The following FCRL4 variants were observed in gnomAD, a reference collection of about 807,000 sequenced individuals.
The protein encoded by FCRL4 is Fc receptor-like protein 4.
A neutral mutation model predicts 64.1 loss-of-function variants in FCRL4; 43 were observed. The ratio of observed to expected loss-of-function variants is 0.67; its 90% CI spans 0.53 to 0.87. FCRL4 has a LOEUF of 0.87. Among genes scored for constraint, FCRL4 ranks in the 40% least tolerant of loss-of-function variants. The probability of loss-of-function intolerance (pLI) is 0.00; values close to 1 mark genes in which losing one functional copy is unlikely to be tolerated. For missense variants in FCRL4, 656 were observed against 613.5 expected (o/e 1.07, Z -0.73); for synonymous variants, 253 against 239.8 (o/e 1.05, Z -0.51).
At chr1:157,587,022 A>G (rs1652716264) in intron 5 of FCRL4, among the ~76,000 whole-genome samples, 1 of 152,188 alleles carries the variant, frequency 6.6e-6, no homozygotes, top group Non-Finnish European at 1.5e-5. Context: ...TTTGTTTTCC[A>G]TAGCTCTCAA....
intron 3 of FCRL4, 118 bp downstream of exon 3, chr1:157,589,086 A>G: frequency 8.8e-7 from 1 of 1,140,560 alleles, no homozygotes; most frequent in South Asian, 1.6e-5. Flanking sequence ...TATGAAACTA[A>G]AGGAGCTGGG....
chr1:157,585,524 T>C (rs1243824780), intron 6 of FCRL4, among the ~76,000 whole-genome samples: 1 of 151,928 alleles, frequency 6.6e-6, no homozygotes, highest in East Asian at 1.9e-4. Flanking sequence ...AGTGAGAACA[T>C]AGCTTGGCCC....
rs536269313 is a variant in FCRL4, at chr1:157,581,260, T to C, written c.1249+271A>G. Reference sequence around the variant, plus strand: ...GCCTAAGTAAACTGTTCAGATAAAGTTTTTGGAACTTTACATTAAAAATTT... The same window carrying C: ...GCCTAAGTAAACTGTTCAGATAAAGCTTTTGGAACTTTACATTAAAAATTT... On this transcript the variant is annotated intron_variant, in intron 7 of 11. Transcript: ENST00000271532. 4.6e-5 allele frequency among the ~76,000 whole-genome samples: 7 copies of C among 152,296 alleles called. No individual in the cohort carries two copies. The East Asian group carries it at 1.2e-3, about 25-fold the overall frequency.
intron 6 of FCRL4, among the ~76,000 whole-genome samples, chr1:157,585,839 G>A (rs755951259): frequency 1.4e-4 from 22 of 152,054 alleles, no homozygotes; most frequent in Admixed American, 3.3e-4. Flanking sequence ...AGGATGACAC[G>A]GTAGGGTGAC....
chr1:157,597,929 A>G lies in FCRL4; in HGVS notation c.16T>C (p.Ser6Pro), dbSNP rs137989444. ...CATCACTTACCAAAGGCCAGCAAGGACGCCCACAGCAGCATGGAAGCCTGC... is the reference window on the plus strand; with the variant it reads ...CATCACTTACCAAAGGCCAGCAAGGGCGCCCACAGCAGCATGGAAGCCTGC... MLLWASLLAFAPVCGQ... is the reference protein window; with the variant it reads MLLWAPLLAFAPVCGQ... The change falls in exon 1 of 12, where the codon TCC (serine) becomes CCC (proline). Residue 6 changes from serine (S) to proline (P), a missense_variant. Ser to Pro is a moderately conservative substitution (Grantham distance 74). Coordinates refer to ENST00000271532, the MANE Select transcript of FCRL4 (RefSeq NM_031282.3). The G allele has an allele frequency of 1.2e-6, 2 of 1,613,316 alleles. No individual in the cohort carries two copies. Among genetic ancestry groups the G allele is most frequent in the African/African-American group, 2.7e-5 (2 of 74,896 alleles).
chr1:157,578,916 C>T (rs761205550), intron 8 of FCRL4, 64 bp from the exon 9 acceptor site: 78 of 1,318,554 alleles, frequency 5.9e-5, no homozygotes, highest in Non-Finnish European at 7.9e-5. Context: ...AGTGAGATAC[C>T]CAGGGAGAGC....
At chr1:157,583,616 A>C (rs1652611500) in intron 6 of FCRL4, among the ~76,000 whole-genome samples, 1 of 152,166 alleles carries the variant, frequency 6.6e-6, no homozygotes, top group South Asian at 2.1e-4. Context: ...TAAGCCAGAA[A>C]GAGAGCCCTC....
At chr1:157,583,460 C>T (rs980014112) in intron 6 of FCRL4, among the ~76,000 whole-genome samples, 2 of 152,174 alleles carry the variant, frequency 1.3e-5, no homozygotes, top group South Asian at 2.1e-4. Context: ...GGAGACAGGG[C>T]CTTTGAGAGG....
In FCRL4 at chr1:157,587,989, A is replaced by C. The variant is rs181691128; in HGVS notation, c.438T>G (p.Ser146=). The change falls in exon 4 of 12, where the codon TCT becomes TCG. Residue 146 remains serine, a synonymous_variant. Transcript: ENST00000271532. ...GGATAAGAAGATCCCAGCTTTTATTAGAAATGGAAAGAATGTTTCCATTCC... is the reference window on the plus strand; with the variant it reads ...GGATAAGAAGATCCCAGCTTTTATTCGAAATGGAAAGAATGTTTCCATTCC... ...YTWNGNILSI[S]NKSWDLLIPQ... 1.9e-6 allele frequency: 3 copies of C among 1,613,216 alleles called. No homozygotes were observed. In the African/African-American group the frequency reaches 4.0e-5, roughly 21 times the overall value.
chr1:157,590,667 GC>G (rs1334682542), intron 2 of FCRL4, among the ~76,000 whole-genome samples: 1 of 151,906 alleles, frequency 6.6e-6, no homozygotes, highest in East Asian at 1.9e-4. Flanking sequence ...ACAGGCAAGT[GC>G]CACCACACCC....
chr1:157,587,788 C>T lies in FCRL4; in HGVS notation c.562+77G>A, dbSNP rs377379711. 7.3e-5 allele frequency: 103 copies of T among 1,405,748 alleles called. No homozygotes were observed. In the South Asian group the frequency reaches 1.1e-3, roughly 15 times the overall value. The allele number at this position is 1,405,748 out of a possible 1,614,324, so 87.1% of individuals were successfully genotyped here. On this transcript the variant is annotated intron_variant, in intron 4 of 11. Transcript: ENST00000271532. ...TCTATCCAGAGTTTCAATAGTAACC[C>T]GTAAATTCTTTCCTTACATGCTCAG...
At chr1:157,577,869 G>A (rs1023627748) in intron 10 of FCRL4, among the ~76,000 whole-genome samples, 1 of 152,126 alleles carries the variant, frequency 6.6e-6, no homozygotes, top group African/African-American at 2.4e-5. Flanking sequence ...CTGATGTAGA[G>A]TCCCCAGAAA....
At chr1:157,577,447 G>T (rs1008582234) in intron 10 of FCRL4, among the ~76,000 whole-genome samples, 9 of 152,162 alleles carry the variant, frequency 5.9e-5, no homozygotes, top group Middle Eastern at 3.2e-3. Context: ...GCTTATTGTG[G>T]CCAAAACGGA....
intron 1 of FCRL4, 79 bp from the exon 2 acceptor site, chr1:157,596,427 A>G (rs1652967437): frequency 6.7e-6 from 10 of 1,484,026 alleles, no homozygotes; most frequent in Non-Finnish European, 8.5e-6. Flanking sequence ...ATACACTCAT[A>G]TGCTACTTCC....
intron 3 of FCRL4, among the ~76,000 whole-genome samples, chr1:157,588,765 G>C (rs1181116095): frequency 1.3e-5 from 2 of 152,180 alleles, no homozygotes; most frequent in East Asian, 3.9e-4. Flanking sequence ...GCCAATCAGA[G>C]GGAAAACTAG....
chr1:157,592,440 C>T (rs747755131), intron 2 of FCRL4, among the ~76,000 whole-genome samples: 2 of 152,122 alleles, frequency 1.3e-5, no homozygotes, highest in African/African-American at 2.4e-5. Flanking sequence ...TGAACAGACA[C>T]GTCTCAAAAG....
chr1:157,594,602 A>G (rs1652916877), intron 2 of FCRL4, among the ~76,000 whole-genome samples: 1 of 152,240 alleles, frequency 6.6e-6, no homozygotes, highest in Non-Finnish European at 1.5e-5. Flanking sequence ...ATTTACTATG[A>G]AATTTTTAAT....
chr1:157,581,699 G>A, intron 6 of FCRL4, 55 bp from the exon 7 acceptor site: 4 of 1,412,694 alleles, frequency 2.8e-6, no homozygotes, highest in Non-Finnish European at 4.0e-6. Context: ...GTTTGGGATT[G>A]CCTTTTCCTC....
At position 157,574,097 on chromosome 1, in the gene FCRL4, T is replaced by G; in HGVS notation, c.*1427A>C. 9.2e-6 allele frequency: 2 copies of G among 217,134 alleles called. No homozygotes were observed. Among genetic ancestry groups the G allele is most frequent in the East Asian group, 1.4e-4 (2 of 14,672 alleles). The allele number at this position is 217,134 out of a possible 1,614,324, so 13.5% of individuals were successfully genotyped here. A position where few individuals can be genotyped will look rare whatever the true frequency, so the allele number is the denominator to read the frequency against. On this transcript the variant is annotated 3_prime_UTR_variant, in exon 12 of 12. Coordinates refer to ENST00000271532, the MANE Select transcript of FCRL4 (RefSeq NM_031282.3). ...AGATCAAATCAGCGTAGTTGGGATA[T>G]CTGTCACCTTAAATATTCGTCTTTT...
Sources: gnomAD v4.1 joint callset for allele counts (sites outside exome capture counted in the v4.1 genomes callset) on GRCh38, gnomAD v4.1.1 for gene constraint, MANE v1.5 for transcripts, NCBI Gene and HGNC (gene_info 2026-07-23, HGNC 2026-07-21) for gene names.